Variants in UNC5C observed in about 807,000 individuals in gnomAD.
UNC5C encodes unc-5 netrin receptor C.
A neutral mutation model predicts 99.8 loss-of-function variants in UNC5C; 47 were observed. The observed-to-expected ratio is 0.47, with a 90% CI of 0.37 to 0.60. UNC5C has a LOEUF of 0.60. Among genes scored for constraint, UNC5C ranks in the 20% least tolerant of loss-of-function variants. The pLI is 0.00. For synonymous variants in UNC5C, 487 were observed against 452.2 expected (o/e 1.08, Z -0.98); for missense variants, 1,062 against 1,165.9 (o/e 0.91, Z 1.30).
intron 1 of UNC5C, among the ~76,000 whole-genome samples, chr4:95,474,980 C>T (rs921151475): frequency 6.6e-6 from 1 of 152,026 alleles, no homozygotes; most frequent in African/African-American, 2.4e-5. Flanking sequence ...ATCAATTACC[C>T]TATACCATCA....
rs1158193968 is a variant in UNC5C at position 95,548,725 on chromosome 4, C to G, written c.124+9G>C. On this transcript the variant is annotated intron_variant, in intron 1 of 15. Coordinates refer to ENST00000453304, the MANE Select transcript of UNC5C (RefSeq NM_003728.4). Reference sequence around the variant, plus strand: ...GGAGGTGGCCGCGGAGCTTGGCGGACCCCCTTACCTTGGGCGGCGGAGCCA... The same window carrying G: ...GGAGGTGGCCGCGGAGCTTGGCGGAGCCCCTTACCTTGGGCGGCGGAGCCA... The G allele has an allele frequency of 6.2e-7, 1 of 1,611,846 alleles. No individual in the cohort carries two copies.
intron 1 of UNC5C, among the ~76,000 whole-genome samples, chr4:95,533,676 C>T (rs1722708569): frequency 1.3e-5 from 2 of 151,960 alleles, no homozygotes; most frequent in Non-Finnish European, 2.9e-5. Context: ...TACATTATGG[C>T]ACAAAATAAG....
intron 1 of UNC5C, among the ~76,000 whole-genome samples, chr4:95,539,595 G>T (rs539474861): frequency 6.6e-6 from 1 of 152,130 alleles, no homozygotes; most frequent in South Asian, 2.1e-4. Flanking sequence ...TGAGGATATT[G>T]CCAAGTCTGT....
At chr4:95,393,740 T>C (rs1745425327) in intron 1 of UNC5C, among the ~76,000 whole-genome samples, 1 of 152,162 alleles carries the variant, frequency 6.6e-6, no homozygotes, top group South Asian at 2.1e-4. Context: ...GCTTATTCAT[T>C]TGAAATTAAA....
In UNC5C at chr4:95,278,146, A is replaced by G; in HGVS notation, c.594+113T>C. Reference sequence around the variant, plus strand: ...AGCAGCAGGCAGTTAGGACTCTATTACCAACCATTCATCATGCCATACCCT... The same window carrying G: ...AGCAGCAGGCAGTTAGGACTCTATTGCCAACCATTCATCATGCCATACCCT... On this transcript the variant is annotated intron_variant, in intron 4 of 15. Coordinates refer to ENST00000453304, the MANE Select transcript of UNC5C (RefSeq NM_003728.4). 16 of 865,752 alleles carry G rather than the reference A, an allele frequency of 1.8e-5. No individual in the cohort carries two copies. The South Asian group carries it at 2.4e-4, about 13-fold the overall frequency. The allele number at this position is 865,752 out of a possible 1,614,324, so 53.6% of individuals were successfully genotyped here.
At chr4:95,332,607 G>C (rs371097912) in intron 2 of UNC5C, among the ~76,000 whole-genome samples, 33 of 151,342 alleles carry the variant, frequency 2.2e-4, no homozygotes, top group South Asian at 8.4e-4. Flanking sequence ...AGACCTAAAA[G>C]CATAAAAACC....
intron 1 of UNC5C, among the ~76,000 whole-genome samples, chr4:95,482,195 G>C (rs71601276): frequency 1.3e-5 from 2 of 150,952 alleles, no homozygotes; most frequent in Non-Finnish European, 3.0e-5. Context: ...AAAAGTGGGC[G>C]AAGGACATGA....
intron 12 of UNC5C, among the ~76,000 whole-genome samples, chr4:95,196,577 A>G (rs1180803524): frequency 2.7e-5 from 4 of 150,884 alleles, no homozygotes; most frequent in African/African-American, 7.3e-5. Flanking sequence ...TCAGGTGACC[A>G]TTTTTGCCCC....
intron 2 of UNC5C, among the ~76,000 whole-genome samples, chr4:95,317,298 T>C (rs756448284): frequency 1.3e-4 from 20 of 152,164 alleles, no homozygotes; most frequent in Admixed American, 3.9e-4. Flanking sequence ...GTTTAGCACT[T>C]GCTAGGAGAA....
At chr4:95,321,552 A>G (rs1257002082) in intron 2 of UNC5C, among the ~76,000 whole-genome samples, 2 of 152,198 alleles carry the variant, frequency 1.3e-5, no homozygotes, top group African/African-American at 2.4e-5. Flanking sequence ...ATGTTAGCCC[A>G]GGTGTTTAAA....
chr4:95,256,994 C>T (rs953315913), intron 4 of UNC5C, among the ~76,000 whole-genome samples: 54 of 151,932 alleles, frequency 3.6e-4, no homozygotes, highest in African/African-American at 1.3e-3. Context: ...TGGTGCTCAC[C>T]CAGATTAAGA....
At chr4:95,530,807 GC>G (rs1287238637) in intron 1 of UNC5C, among the ~76,000 whole-genome samples, 3 of 152,116 alleles carry the variant, frequency 2.0e-5, no homozygotes, top group African/African-American at 7.2e-5. Context: ...ATTGAAAACT[GC>G]TGCTGAAAGG....
At chr4:95,503,142 T>A (rs1376386959) in intron 1 of UNC5C, among the ~76,000 whole-genome samples, 1 of 152,114 alleles carries the variant, frequency 6.6e-6, no homozygotes, top group Non-Finnish European at 1.5e-5. Flanking sequence ...GGTGATTAGA[T>A]CATGTAGGCT....
chr4:95,330,678 A>G (rs1034669917), intron 2 of UNC5C, among the ~76,000 whole-genome samples: 5 of 152,020 alleles, frequency 3.3e-5, no homozygotes, highest in Non-Finnish European at 5.9e-5. Context: ...AATTTGTCAT[A>G]AATGATAATT....
intron 4 of UNC5C, among the ~76,000 whole-genome samples, chr4:95,276,717 C>T (rs1223736573): frequency 1.3e-5 from 2 of 152,014 alleles, no homozygotes; most frequent in Admixed American, 6.6e-5. Context: ...CCTTCCTAGT[C>T]GTATTAAATC....
chr4:95,169,136 T>G lies in UNC5C; in HGVS notation c.*98A>C, dbSNP rs1259964848. 1 of 1,488,118 alleles carries G rather than the reference T, an allele frequency of 6.7e-7. No homozygotes were observed. Among genetic ancestry groups the G allele is most frequent in the Non-Finnish European group, 9.2e-7 (1 of 1,085,686 alleles). 92.2% of individuals were successfully genotyped at this position (1,488,118 alleles called of 1,614,324 possible). A position where few individuals can be genotyped will look rare whatever the true frequency, so the allele number is the denominator to read the frequency against. ...GCTGCAGTCTTGCCTGTGAAGTGCA[T>G]TGGTCTCATCTGGATTTCCTCCTCA... is the stretch of plus-strand genomic sequence containing the variant. On this transcript the variant is annotated 3_prime_UTR_variant, in exon 16 of 16. Coordinates refer to ENST00000453304, the MANE Select transcript of UNC5C (RefSeq NM_003728.4).
intron 2 of UNC5C, among the ~76,000 whole-genome samples, chr4:95,316,423 C>G (rs1742478352): frequency 6.6e-6 from 1 of 152,146 alleles, no homozygotes; most frequent in African/African-American, 2.4e-5. Context: ...CTCAGGATTC[C>G]AAGCCTAGCA....
chr4:95,514,267 C>G (rs957847240), intron 1 of UNC5C, among the ~76,000 whole-genome samples: 1 of 152,120 alleles, frequency 6.6e-6, no homozygotes, highest in Non-Finnish European at 1.5e-5. Context: ...ATTTAAATGT[C>G]TATATTCAGT....
At chr4:95,546,154 G>A (rs1407885692) in intron 1 of UNC5C, among the ~76,000 whole-genome samples, 2 of 152,180 alleles carry the variant, frequency 1.3e-5, no homozygotes, top group African/African-American at 2.4e-5. Context: ...ACTTTCCCAT[G>A]TTAATTGCTC....
Sources: allele counts gnomAD v4.1 joint callset (sites outside exome capture counted in the v4.1 genomes callset), GRCh38; gene constraint gnomAD v4.1.1; transcripts MANE v1.5; gene names NCBI Gene and HGNC (gene_info 2026-07-23, HGNC 2026-07-21).